RARB: variants seen among roughly 807,000 people sequenced by gnomAD.
The protein encoded by RARB is retinoic acid receptor beta.
A neutral mutation model predicts 51.9 loss-of-function variants in RARB; 17 were observed. The observed-to-expected ratio is 0.33, with a 90% CI of 0.22 to 0.49. RARB has a LOEUF of 0.49. RARB is among the 20% of genes least tolerant of loss of function. The probability of loss-of-function intolerance (pLI) is 0.99; values close to 1 mark genes in which losing one functional copy is unlikely to be tolerated. For synonymous variants in RARB, 215 were observed against 195.4 expected, an observed-to-expected ratio of 1.10 and a Z score of -0.84; for missense variants, 369 against 550.8, an observed-to-expected ratio of 0.67 and a Z score of 3.30.
intron 2 of RARB, among the ~76,000 whole-genome samples, chr3:25,021,575 C>T (rs1697636960): frequency 6.6e-6 from 1 of 151,996 alleles, no homozygotes; most frequent in African/African-American, 2.4e-5. Flanking sequence ...GGCTTATATA[C>T]CTAGTTTATT....
chr3:25,085,004 A>G (rs983489263), intron 3 of RARB, among the ~76,000 whole-genome samples: 12 of 152,182 alleles, frequency 7.9e-5, no homozygotes, highest in Non-Finnish European at 1.3e-4. Context: ...TTAAATATGA[A>G]ATTACAAAGC....
chr3:25,334,894 T>C (rs1479283253), intron 5 of RARB, among the ~76,000 whole-genome samples: 2 of 152,090 alleles, frequency 1.3e-5, no homozygotes, highest in African/African-American at 4.8e-5. Flanking sequence ...CAATTCAAGC[T>C]AGCATTATGT....
rs375629489 is a variant in RARB, at chr3:25,554,783, A to G, written c.449-14975A>G. Reference sequence around the variant, plus strand: ...TTGAGGGCTGAGAAGTCCAAAGTCAAGGCACTGCATCTAGTCTTTTTGCTG... The same window carrying G: ...TTGAGGGCTGAGAAGTCCAAAGTCAGGGCACTGCATCTAGTCTTTTTGCTG... On this transcript the variant is annotated intron_variant, in intron 3 of 7. Transcript: ENST00000330688. Among the ~76,000 whole-genome samples the G allele has an allele frequency of 8.8e-4, 134 of 152,312 alleles. 2 individuals are homozygous for G. The highest frequency in any genetic ancestry group is 2.6e-3 in the Admixed American group (40 of 15,302).
intron 1 of RARB, among the ~76,000 whole-genome samples, chr3:25,458,581 C>T (rs1268831840): frequency 3.9e-5 from 6 of 152,136 alleles, no homozygotes; most frequent in Admixed American, 3.3e-4. Flanking sequence ...GATACCAGCC[C>T]TTCTATAAAA....
intron 2 of RARB, among the ~76,000 whole-genome samples, chr3:25,051,123 C>T (rs1016050601): frequency 4.0e-5 from 6 of 151,892 alleles, no homozygotes; most frequent in Non-Finnish European, 7.4e-5. Flanking sequence ...TTTTCTGAAG[C>T]CACAGAAAAG....
At chr3:24,978,389 T>C (rs1279075817) in intron 2 of RARB, among the ~76,000 whole-genome samples, 1 of 152,142 alleles carries the variant, frequency 6.6e-6, no homozygotes, top group African/African-American at 2.4e-5. Context: ...GGTCCTGTAC[T>C]TTTTTTGGTT....
intron 3 of RARB, among the ~76,000 whole-genome samples, chr3:25,540,008 G>A (rs1699311091): frequency 1.3e-5 from 2 of 152,252 alleles, no homozygotes; most frequent in African/African-American, 2.4e-5. Flanking sequence ...CTGCAGGGCC[G>A]ACTGCTGGAC....
chr3:25,472,713 A>G (rs921628898), intron 2 of RARB, among the ~76,000 whole-genome samples: 4 of 152,240 alleles, frequency 2.6e-5, no homozygotes, highest in Admixed American at 6.5e-5. Context: ...TTATCAAACT[A>G]TCTTTTCAAG....
At chr3:25,586,234 T>C (rs1701382011) in intron 5 of RARB, among the ~76,000 whole-genome samples, 1 of 152,028 alleles carries the variant, frequency 6.6e-6, no homozygotes, top group Admixed American at 6.6e-5. Flanking sequence ...TGAAATGCCA[T>C]CTCTTCAGAA....
At chr3:24,992,021 C>G (rs183419869) in intron 2 of RARB, among the ~76,000 whole-genome samples, 6 of 152,228 alleles carry the variant, frequency 3.9e-5, no homozygotes, top group Admixed American at 3.9e-4. Flanking sequence ...GTCTGTTTGG[C>G]TCTCCTTATA....
intron 2 of RARB, among the ~76,000 whole-genome samples, chr3:24,868,301 A>T (rs1428601284): frequency 6.6e-6 from 1 of 152,190 alleles, no homozygotes; most frequent in Non-Finnish European, 1.5e-5. Context: ...AAGGCACCTC[A>T]GAAACACACT....
At chr3:25,409,556 C>A (rs1707504104) in intron 5 of RARB, among the ~76,000 whole-genome samples, 1 of 152,150 alleles carries the variant, frequency 6.6e-6, no homozygotes. Flanking sequence ...ATCCCAGAAT[C>A]TTACACCTTT....
chr3:25,327,979 A>G (rs953959314), intron 5 of RARB, among the ~76,000 whole-genome samples: 18 of 152,246 alleles, frequency 1.2e-4, no homozygotes, highest in Non-Finnish European at 1.5e-4. Flanking sequence ...TTGGCTTTGC[A>G]GTAAAAAATA....
intron 2 of RARB, among the ~76,000 whole-genome samples, chr3:24,865,428 A>G (rs1461427290): frequency 6.6e-6 from 1 of 152,106 alleles, no homozygotes; most frequent in East Asian, 1.9e-4. Context: ...GAATCCTCAC[A>G]ATACCCAGTG....
chr3:25,112,928 A>G (rs1699627060), intron 3 of RARB, among the ~76,000 whole-genome samples: 1 of 152,180 alleles, frequency 6.6e-6, no homozygotes, highest in Non-Finnish European at 1.5e-5. Flanking sequence ...CTACAACCTT[A>G]AATTTTTTCT....
At chr3:25,450,530 G>T (rs1230330849) in intron 1 of RARB, among the ~76,000 whole-genome samples, 3 of 151,996 alleles carry the variant, frequency 2.0e-5, no homozygotes, top group Non-Finnish European at 4.4e-5. Flanking sequence ...TTTCTTTGTT[G>T]TCCCCACTCT....
intron 3 of RARB, among the ~76,000 whole-genome samples, chr3:25,566,598 A>G (rs142834524): frequency 6.6e-6 from 1 of 152,180 alleles, no homozygotes; most frequent in South Asian, 2.1e-4. Flanking sequence ...CCCTTCCCAC[A>G]GGACCTCACC....
intron 5 of RARB, among the ~76,000 whole-genome samples, chr3:25,340,267 TG>T (rs1341962819): frequency 1.3e-5 from 2 of 152,142 alleles, no homozygotes; most frequent in Admixed American, 1.3e-4. Flanking sequence ...TACCTCATCA[TG>T]TTGTTTTAAT....
chr3:25,142,242 G>A (rs1288809067), intron 4 of RARB, among the ~76,000 whole-genome samples: 2 of 152,158 alleles, frequency 1.3e-5, no homozygotes, highest in Admixed American at 1.3e-4. Flanking sequence ...GCTGAGGCAG[G>A]AGAATCGCTT....
Sources: gnomAD v4.1 joint callset for allele counts (sites outside exome capture counted in the v4.1 genomes callset) on GRCh38, gnomAD v4.1.1 for gene constraint, MANE v1.5 for transcripts, NCBI Gene and HGNC (gene_info 2026-07-23, HGNC 2026-07-21) for gene names.